NGB: variants seen among roughly 807,000 people sequenced by gnomAD.
The protein encoded by NGB is nitrite reductase.
A neutral mutation model predicts 17.3 loss-of-function variants in NGB; 12 were observed. The observed-to-expected ratio is 0.69, with a 90% CI of 0.45 to 1.13. The LOEUF (loss-of-function observed/expected upper bound fraction) is 1.13. NGB is among the 50% of genes most tolerant of loss of function. The probability of loss-of-function intolerance (pLI) is 0.00; values close to 1 mark genes in which losing one functional copy is unlikely to be tolerated. For synonymous variants in NGB, 87 were observed against 81.0 expected, an observed-to-expected ratio of 1.07 and a Z score of -0.40; for missense variants, 195 against 191.7, an observed-to-expected ratio of 1.02 and a Z score of -0.10.
chr14:77,269,618 G>A (rs1889724693), intron 1 of NGB, among the ~76,000 whole-genome samples: 1 of 151,770 alleles, frequency 6.6e-6, no homozygotes, highest in African/African-American at 2.4e-5. Context: ...GACAGGAAGA[G>A]GTCCCCAAAC....
In NGB at chr14:77,266,661, C is replaced by T. The variant is rs563520691; in HGVS notation, c.331G>A (p.Glu111Lys). Residue 111 changes from glutamate to lysine, a missense_variant, in exon 4 of 4, where the codon GAG (glutamate) becomes AAG (lysine). Coordinates refer to ENST00000298352, the MANE Select transcript of NGB (RefSeq NM_021257.4). Reference protein sequence around the residue: ...VKLSSFSTVGESLLYMLEKCL... With the variant: ...VKLSSFSTVGKSLLYMLEKCL... The stretch of plus-strand genomic sequence containing the variant: ...TTCTCCAGCATGTAGAGCAGAGACT[C>T]ACCCACTGTCTGCAGAGGCAAGGGG... 3 of 1,613,790 alleles carry T rather than the reference C, an allele frequency of 1.9e-6. No homozygotes were observed. The highest frequency in any genetic ancestry group is 1.7e-4 in the Middle Eastern group (1 of 6,060).
At chr14:77,270,678 G>A (rs1216462182) in intron 1 of NGB, among the ~76,000 whole-genome samples, 171 bp downstream of exon 1, 2 of 152,228 alleles carry the variant, frequency 1.3e-5, no homozygotes, top group Non-Finnish European at 1.5e-5. Flanking sequence ...GAGAGGCAGA[G>A]GGGCTGTGCC....
intron 2 of NGB, 142 bp downstream of exon 2, chr14:77,269,073 G>A (rs1394303413): frequency 1.7e-6 from 1 of 593,878 alleles, no homozygotes; most frequent in Admixed American, 2.9e-5. Flanking sequence ...ATCCAGCCCA[G>A]AGGGAAAGGA....
intron 3 of NGB, 85 bp from the exon 4 acceptor site, chr14:77,266,755 C>T (rs1208889385): frequency 1.4e-6 from 2 of 1,465,140 alleles, no homozygotes; most frequent in Admixed American, 2.2e-5. Flanking sequence ...AGGCCTAGGA[C>T]TGATTAGGGC....
chr14:77,269,402 G>A, intron 1 of NGB, 76 bp from the exon 2 acceptor site: 1 of 1,020,890 alleles, frequency 9.8e-7, no homozygotes, highest in Admixed American at 2.1e-5. Context: ...CTGTCCTGCA[G>A]TCAGCGGGCG....
At chr14:77,270,805 A>G in intron 1 of NGB, 44 bp downstream of exon 1, 1 of 1,483,212 alleles carries the variant, frequency 6.7e-7, no homozygotes, top group Non-Finnish European at 9.1e-7. Context: ...TTTCCCGCCG[A>G]GGCAGCCTCC....
rs754660630 is a variant in NGB, at chr14:77,270,830, G to A, written c.89+19C>T. ...AGGCAGCCTCCACCCGCATCCCCGG[G>A]CGCTCGTGTAGCCCTCACCTGGCAA... On this transcript the variant is annotated intron_variant, in intron 1 of 3. Transcript: ENST00000298352. 8 of 1,554,466 alleles carry A rather than the reference G, an allele frequency of 5.1e-6. No individual in the cohort carries two copies. In the South Asian group the frequency reaches 9.3e-5, roughly 18 times the overall value.
chr14:77,266,016 C>T lies in NGB; in HGVS notation c.*520G>A, dbSNP rs1889662132. 2 of 303,044 alleles carry T rather than the reference C, an allele frequency of 6.6e-6. No individual in the cohort carries two copies. Among genetic ancestry groups the T allele is most frequent in the African/African-American group, 4.3e-5 (2 of 46,240 alleles). The allele number at this position is 303,044 out of a possible 1,614,324, so 18.8% of individuals were successfully genotyped here. A position where few individuals can be genotyped will look rare whatever the true frequency, so the allele number is the denominator to read the frequency against. On this transcript the variant is annotated 3_prime_UTR_variant, in exon 4 of 4. Transcript: ENST00000298352. ...GGCAGTTCTGATTCTGCTCCCACTGCCTGGGATTCCACCAAGAAGGCTAAA... is the reference window on the plus strand; with the variant it reads ...GGCAGTTCTGATTCTGCTCCCACTGTCTGGGATTCCACCAAGAAGGCTAAA...
chr14:77,269,700 CTCTCTCTCTCTCTCTCTCTCTCTCTCT>C (rs1889731740), intron 1 of NGB, among the ~76,000 whole-genome samples: 2 of 1,236 alleles, frequency 1.6e-3, no homozygotes, highest in African/African-American at 2.7e-3. Context: ...CTCTCTCTCT[CTCTCTCTCTCTCTCTCTCTCTCTCTCT>C]TCTCTCTCTC....
intron 1 of NGB, 99 bp downstream of exon 1, chr14:77,270,750 C>T: frequency 9.0e-7 from 1 of 1,110,604 alleles, no homozygotes; most frequent in Non-Finnish European, 1.3e-6. Flanking sequence ...GCCCCGGCAG[C>T]GGCCAGTTTT....
rs1297828672 is a variant in NGB, at chr14:77,270,804, G to A, written c.89+45C>T. 4.0e-6 allele frequency: 6 copies of A among 1,481,606 alleles called. No individual in the cohort carries two copies. The African/African-American group carries it at 5.6e-5, about 14-fold the overall frequency. The allele number at this position is 1,481,606 out of a possible 1,614,324, so 91.8% of individuals were successfully genotyped here. A position where few individuals can be genotyped will look rare whatever the true frequency, so the allele number is the denominator to read the frequency against. ...CCTGCCGCGTGACCCCTTTCCCGCC[G>A]AGGCAGCCTCCACCCGCATCCCCGG... On this transcript the variant is annotated intron_variant, in intron 1 of 3. Coordinates refer to ENST00000298352, the MANE Select transcript of NGB (RefSeq NM_021257.4).
Position 77,268,490 on chromosome 14 carries a change from C to T in NGB, c.297G>A (p.Val99=). The change falls in exon 3 of 4, where the codon GTG becomes GTA. Residue 99 remains valine (V), a synonymous_variant. Coordinates refer to ENST00000298352, the MANE Select transcript of NGB (RefSeq NM_021257.4). The part of the protein sequence containing the change: ...LASLGRKHRA[V]GVKLSSFSTV... The stretch of plus-strand genomic sequence containing the variant: ...CCGAGAAGGAGCTGAGCTTCACACC[C>T]ACTGCCCGGTGCTTCCTGCCCAGGC... 1 of 1,613,506 alleles carries T rather than the reference C, an allele frequency of 6.2e-7. No homozygotes were observed.
At chr14:77,270,594 C>A (rs1027902834) in intron 1 of NGB, among the ~76,000 whole-genome samples, 5 of 152,220 alleles carry the variant, frequency 3.3e-5, no homozygotes, top group Admixed American at 6.5e-5. Flanking sequence ...GGGAGGGGAT[C>A]CCGCCCGGCC....
rs1349421944 is a variant in NGB at position 77,271,049 on chromosome 14, C to A, written c.-112G>T. On this transcript the variant is annotated 5_prime_UTR_variant, in exon 1 of 4. Transcript: ENST00000298352. The stretch of plus-strand genomic sequence containing the variant: ...GCGGTCCCCTCCGCCCCTCGTACGC[C>A]CCCCGTGCCTCCGCCCGGCGGGGGC... 5.4e-6 allele frequency: 4 copies of A among 738,710 alleles called. No individual in the cohort carries two copies. The highest frequency in any genetic ancestry group is 8.1e-6 in the Non-Finnish European group (4 of 496,808). 45.8% of individuals were successfully genotyped at this position (738,710 alleles called of 1,614,324 possible).
At chr14:77,269,411 C>T (rs893388863) in intron 1 of NGB, 85 bp from the exon 2 acceptor site, 24 of 897,366 alleles carry the variant, frequency 2.7e-5, no homozygotes, top group African/African-American at 2.2e-4. Context: ...AGTCAGCGGG[C>T]GGGGGTGCCA....
Position 77,268,605 on chromosome 14 carries a change from A to T in NGB, c.202-20T>A. 15 of 1,613,800 alleles carry T rather than the reference A, an allele frequency of 9.3e-6. No individual in the cohort carries two copies. The highest frequency in any genetic ancestry group is 1.3e-5 in the Non-Finnish European group (15 of 1,179,926). On this transcript the variant is annotated intron_variant, in intron 2 of 3. Coordinates refer to ENST00000298352, the MANE Select transcript of NGB (RefSeq NM_021257.4). ...CATCACCTGCCAAGGCCAAGGCAGC[A>T]GTGAAACAGAGAGGCCAGAGCAGCC... is the stretch of plus-strand genomic sequence containing the variant.
At chr14:77,270,729 GGCGCCCCA>G in intron 1 of NGB, 112 bp downstream of exon 1, 1 of 881,466 alleles carries the variant, frequency 1.1e-6, no homozygotes, top group African/African-American at 1.7e-5. Context: ...ACATCTGGCA[GGCGCCCCA>G]GCGCCCCGGC....
chr14:77,269,476 C>T (rs1406296145), intron 1 of NGB, 150 bp from the exon 2 acceptor site: 13 of 590,778 alleles, frequency 2.2e-5, no homozygotes, highest in South Asian at 5.6e-5. Context: ...ACTGCTCCCC[C>T]GCCAGCTTCG....
At chr14:77,270,456 G>A (rs916460200) in intron 1 of NGB, among the ~76,000 whole-genome samples, 2 of 152,228 alleles carry the variant, frequency 1.3e-5, no homozygotes, top group African/African-American at 4.8e-5. Context: ...GGGCACCCCA[G>A]TACCCTGATA....
Sources: gnomAD v4.1 joint callset for allele counts (sites outside exome capture counted in the v4.1 genomes callset) on GRCh38, gnomAD v4.1.1 for gene constraint, MANE v1.5 for transcripts, NCBI Gene and HGNC (gene_info 2026-07-23, HGNC 2026-07-21) for gene names.